USP34: variants seen among roughly 807,000 people sequenced by gnomAD.
USP34 encodes the protein ubiquitin carboxyl-terminal hydrolase 34.
In USP34, 70 loss-of-function variants were observed where a neutral mutation model predicts 460.3. That is an observed-to-expected ratio of 0.15 (90% CI 0.13 to 0.19). The LOEUF (loss-of-function observed/expected upper bound fraction) is 0.19. Ranked by LOEUF, USP34 falls within the 10% of genes least tolerant of loss-of-function variation. The probability of loss-of-function intolerance (pLI) is 1.00; values close to 1 mark genes in which losing one functional copy is unlikely to be tolerated. For synonymous variants in USP34, 1,647 were observed against 1,405.3 expected, an observed-to-expected ratio of 1.17 and a Z score of -3.85; for missense variants, 3,985 against 4,236.2, an observed-to-expected ratio of 0.94 and a Z score of 1.65.
chr2:61,345,831 C>T (rs1290484591), intron 15 of USP34, among the ~76,000 whole-genome samples: 1 of 152,046 alleles, frequency 6.6e-6, no homozygotes, highest in Non-Finnish European at 1.5e-5. Flanking sequence ...GAGACAGGGC[C>T]CCACTAAGTT....
At chr2:61,243,123 G>C (rs1024285065) in intron 51 of USP34, among the ~76,000 whole-genome samples, 1 of 151,534 alleles carries the variant, frequency 6.6e-6, no homozygotes, top group Non-Finnish European at 1.5e-5. Flanking sequence ...TGAGATTACA[G>C]GCCTGAGCCA....
At chr2:61,324,533 G>A (rs1025912233) in intron 21 of USP34, among the ~76,000 whole-genome samples, 19 of 152,154 alleles carry the variant, frequency 1.2e-4, no homozygotes, top group Non-Finnish European at 1.9e-4. Context: ...AGCACTTTGG[G>A]AGGCCAAGGC....
chr2:61,396,221 T>C (rs115773851), intron 3 of USP34, among the ~76,000 whole-genome samples: 111 of 152,296 alleles, frequency 7.3e-4, no homozygotes, highest in African/African-American at 2.5e-3. Context: ...CGTGCTTCCA[T>C]TGCATAAGAT....
chr2:61,204,445 A>G, intron 73 of USP34, 52 bp downstream of exon 73: 2 of 1,613,292 alleles, frequency 1.2e-6, no homozygotes, highest in Non-Finnish European at 1.7e-6. Context: ...TTCAGTGTGC[A>G]GAACGATTAA....
intron 1 of USP34, among the ~76,000 whole-genome samples, chr2:61,457,550 C>T (rs773025493): frequency 6.6e-5 from 10 of 152,088 alleles, no homozygotes; most frequent in Non-Finnish European, 1.3e-4. Flanking sequence ...TAAATTTAAC[C>T]CACAGGTACT....
At chr2:61,449,152 TGG>T (rs1695199299) in intron 1 of USP34, among the ~76,000 whole-genome samples, 1 of 150,294 alleles carries the variant, frequency 6.7e-6, no homozygotes, top group Non-Finnish European at 1.5e-5. Flanking sequence ...AAGGAGGGAA[TGG>T]AGGGACGGGA....
intron 19 of USP34, among the ~76,000 whole-genome samples, chr2:61,332,715 T>C (rs1691306616): frequency 6.6e-6 from 1 of 152,028 alleles, no homozygotes; most frequent in Non-Finnish European, 1.5e-5. Flanking sequence ...TGTTAAATGC[T>C]TTCCCTTACC....
intron 2 of USP34, 24 bp from the exon 3 acceptor site, chr2:61,406,152 A>G (rs1251643142): frequency 1.3e-6 from 2 of 1,486,986 alleles, no homozygotes; most frequent in Non-Finnish European, 9.0e-7. Context: ...AAAATTGAAT[A>G]AATTAGTAAT....
At chr2:61,469,681 C>G (rs968008599) in intron 1 of USP34, among the ~76,000 whole-genome samples, 1 of 152,164 alleles carries the variant, frequency 6.6e-6, no homozygotes, top group Non-Finnish European at 1.5e-5. Flanking sequence ...ATATCACAAA[C>G]AGAATACAAA....
intron 1 of USP34, among the ~76,000 whole-genome samples, chr2:61,429,968 C>G (rs1393389241): frequency 6.6e-6 from 1 of 152,130 alleles, no homozygotes; most frequent in Non-Finnish European, 1.5e-5. Flanking sequence ...AATCCCAGCA[C>G]TTTGGGAGGC....
At chr2:61,446,218 G>A (rs1695112848) in intron 1 of USP34, among the ~76,000 whole-genome samples, 1 of 151,318 alleles carries the variant, frequency 6.6e-6, no homozygotes, top group Non-Finnish European at 1.5e-5. Flanking sequence ...AAAAACACCA[G>A]TGAGACAAGT....
intron 18 of USP34, among the ~76,000 whole-genome samples, chr2:61,338,097 G>T (rs890216420): frequency 6.6e-6 from 1 of 152,192 alleles, no homozygotes; most frequent in Non-Finnish European, 1.5e-5. Context: ...CAAGGCAGGA[G>T]GATCACCTGA....
chr2:61,234,284 C>G (rs1688000109), intron 57 of USP34, among the ~76,000 whole-genome samples: 2 of 152,222 alleles, frequency 1.3e-5, no homozygotes, highest in Admixed American at 1.3e-4. Flanking sequence ...TACCAGACTG[C>G]TATTCCCCAC....
At chr2:61,258,041 G>T (rs1434032684) in intron 44 of USP34, among the ~76,000 whole-genome samples, 2 of 151,958 alleles carry the variant, frequency 1.3e-5, no homozygotes, top group Non-Finnish European at 2.9e-5. Flanking sequence ...AATTCAAATG[G>T]CACTTGCAGC....
chr2:61,429,665 G>C (rs1173682233), intron 1 of USP34, among the ~76,000 whole-genome samples: 1 of 151,994 alleles, frequency 6.6e-6, no homozygotes, highest in Non-Finnish European at 1.5e-5. Flanking sequence ...ATTCTATTCA[G>C]CAATAAAAAG....
At chr2:61,311,729 C>T (rs760730623) in intron 26 of USP34, 42 bp from the exon 27 acceptor site, 49 of 1,608,572 alleles carry the variant, frequency 3.0e-5, no homozygotes, top group Admixed American at 5.1e-5. Flanking sequence ...ACAAAAAGAA[C>T]AGATATTTGA....
At chr2:61,436,672 A>T (rs1416832958) in intron 1 of USP34, among the ~76,000 whole-genome samples, 1 of 152,228 alleles carries the variant, frequency 6.6e-6, no homozygotes, top group African/African-American at 2.4e-5. Flanking sequence ...TTTCAACTGC[A>T]TCATAGACCA....
At chr2:61,382,812 C>T (rs968528969) in intron 6 of USP34, among the ~76,000 whole-genome samples, 1 of 152,030 alleles carries the variant, frequency 6.6e-6, no homozygotes, top group Admixed American at 6.6e-5. Context: ...TAAACTGTAA[C>T]CCACCCCCTA....
rs554479065 is a variant in USP34, at chr2:61,188,008, C to G, written c.*94G>C. ...TGCCATTCAAGCAGAGAGCACTGGA[C>G]AAACTGAAGCACAAAAACAAATAAG... On this transcript the variant is annotated 3_prime_UTR_variant, in exon 80 of 80. Transcript: ENST00000398571. 3 of 1,512,930 alleles carry G rather than the reference C, an allele frequency of 2.0e-6. No homozygotes were observed. The highest frequency in any genetic ancestry group is 2.8e-5 in the South Asian group (2 of 72,508). 93.7% of individuals were successfully genotyped at this position (1,512,930 alleles called of 1,614,324 possible). A position where few individuals can be genotyped will look rare whatever the true frequency, so the allele number is the denominator to read the frequency against.
Sources: gnomAD v4.1 joint callset for allele counts (sites outside exome capture counted in the v4.1 genomes callset) on GRCh38, gnomAD v4.1.1 for gene constraint, MANE v1.5 for transcripts, NCBI Gene and HGNC (gene_info 2026-07-23, HGNC 2026-07-21) for gene names.